The following TMTC3 variants were observed in gnomAD, a reference collection of about 807,000 sequenced individuals.
The protein encoded by TMTC3 is protein O-mannosyl-transferase TMTC3.
TMTC3 carries 52 observed loss-of-function variants against 92.2 expected under a neutral mutation model. That is an observed-to-expected ratio of 0.56 (90% CI 0.45 to 0.71). TMTC3 has a LOEUF of 0.71. TMTC3 is among the 30% of genes least tolerant of loss of function. The probability of loss-of-function intolerance (pLI) is 0.00; values close to 1 mark genes in which losing one functional copy is unlikely to be tolerated. For synonymous variants in TMTC3, 339 were observed against 363.3 expected (o/e 0.93, Z 0.76); for missense variants, 896 against 1,057.1 (o/e 0.85, Z 2.11).
At chr12:88,180,865 T>C (rs1317895994) in intron 10 of TMTC3, among the ~76,000 whole-genome samples, 1 of 152,200 alleles carries the variant, frequency 6.6e-6, no homozygotes, top group Admixed American at 6.5e-5. Flanking sequence ...GGTTTTATGT[T>C]TTGAAGAACT....
At chr12:88,161,382 T>C (rs2041077571) in intron 6 of TMTC3, among the ~76,000 whole-genome samples, 1 of 152,140 alleles carries the variant, frequency 6.6e-6, no homozygotes, top group African/African-American at 2.4e-5. Flanking sequence ...ACAGCTGTCT[T>C]TCGTTAGTGT....
chr12:88,198,345 G>A lies in TMTC3; in HGVS notation c.*2696G>A. 2.5e-6 allele frequency: 1 copy of A among 398,050 alleles called. No homozygotes were observed. Among genetic ancestry groups the A allele is most frequent in the Non-Finnish European group, 4.4e-6 (1 of 225,662 alleles). 24.7% of individuals were successfully genotyped at this position (398,050 alleles called of 1,614,324 possible). On this transcript the variant is annotated 3_prime_UTR_variant, in exon 14 of 14. Coordinates refer to ENST00000266712, the MANE Select transcript of TMTC3 (RefSeq NM_181783.4). ...GAGCTTATCACAGGTTTGTATGCTG[G>A]TGAATGGATAGTTTTAATTCTCACT...
chr12:88,195,508 T>C lies in TMTC3; in HGVS notation c.2604T>C (p.Ser868=). The C allele has an allele frequency of 6.2e-7, 1 of 1,613,354 alleles. No individual in the cohort carries two copies. Among genetic ancestry groups the C allele is most frequent in the Non-Finnish European group, 8.5e-7 (1 of 1,179,708 alleles). Residue 868 remains serine (S), a synonymous_variant, in exon 14 of 14, where the codon TCT becomes TCC. Coordinates refer to ENST00000266712, the MANE Select transcript of TMTC3 (RefSeq NM_181783.4). Reference sequence around the variant, plus strand: ...AAACAAGTGATAATAAAAGTCAGTCTAAATCCAACAAACAATTAGGAAAAA... The same window carrying C: ...AAACAAGTGATAATAAAAGTCAGTCCAAATCCAACAAACAATTAGGAAAAA... ...IVKTSDNKSQ[S]KSNKQLGKNG...
rs1326284915 is a variant in TMTC3, at chr12:88,194,992, G to T, written c.2088G>T (p.Lys696Asn). The T allele has an allele frequency of 6.2e-7, 1 of 1,613,766 alleles. No homozygotes were observed. Among genetic ancestry groups the T allele is most frequent in the Non-Finnish European group, 8.5e-7 (1 of 1,179,896 alleles). The change falls in exon 14 of 14, where the codon AAG becomes AAT. Residue 696 changes from lysine to asparagine, a missense_variant. Lys to Asn is a moderately conservative substitution (Grantham distance 94). Transcript: ENST00000266712. ...AGATTTGGATGAAGAAAGCCATAAAGTTACAAGCCGACTTCCGAAGTGCTT... is the reference window on the plus strand; with the variant it reads ...AGATTTGGATGAAGAAAGCCATAAATTTACAAGCCGACTTCCGAAGTGCTT... ...EAEIWMKKAI[K>N]LQADFRSALF...
chr12:88,188,436 T>C (rs1368600641), intron 10 of TMTC3, among the ~76,000 whole-genome samples: 2 of 152,052 alleles, frequency 1.3e-5, no homozygotes, highest in African/African-American at 4.8e-5. Flanking sequence ...ATTTCTTCAT[T>C]ACCTTTATCT....
At position 88,195,035 on chromosome 12, in the gene TMTC3, C is replaced by T. The variant is rs762248050; in HGVS notation, c.2131C>T (p.Leu711=). ...AAGTGCTTTGTTTAATCTGGCTCTC[C>T]TGTATTCCCAGACTGCAAAGGAATT... ...FRSALFNLAL[L]YSQTAKELKA... is the part of the protein sequence containing the mutation. The change falls in exon 14 of 14, where the codon CTG becomes TTG. Residue 711 remains leucine (L), a synonymous_variant. Coordinates refer to ENST00000266712, the MANE Select transcript of TMTC3 (RefSeq NM_181783.4). 6.2e-7 allele frequency: 1 copy of T among 1,613,840 alleles called. No homozygotes were observed. The highest frequency in any genetic ancestry group is 8.5e-7 in the Non-Finnish European group (1 of 1,179,910).
At chr12:88,160,570 A>G (rs892101366) in intron 5 of TMTC3, 109 bp from the exon 6 acceptor site, 21 of 981,360 alleles carry the variant, frequency 2.1e-5, no homozygotes, top group Non-Finnish European at 6.0e-6. Flanking sequence ...TTCCACATTA[A>G]TTTTATAATT....
Position 88,195,563 on chromosome 12 carries a change from A to G in TMTC3, c.2659A>G (p.Thr887Ala), listed in dbSNP as rs369990598. The G allele has an allele frequency of 6.2e-7, 1 of 1,612,368 alleles. No homozygotes were observed. The highest frequency in any genetic ancestry group is 8.5e-7 in the Non-Finnish European group (1 of 1,179,538). The change falls in exon 14 of 14, where the codon ACA (threonine) becomes GCA (alanine). Residue 887 changes from threonine to alanine, a missense_variant. Transcript: ENST00000266712. The stretch of plus-strand genomic sequence containing the variant: ...AGACGAAGAGACACCCCACAAAACA[A>G]CAAAAGACATCAAAGAAATTGAGAA... ...NGDEETPHKTTKDIKEIEKKR... is the reference protein window; with the variant it reads ...NGDEETPHKTAKDIKEIEKKR...
In TMTC3 at chr12:88,198,566, C is replaced by T. The variant is rs906768561; in HGVS notation, c.*2917C>T. ...GTGAGTAGTTTTCTGAAATTGGTAACTTGGAGAGTAAAATAACGTATTTTG... is the reference window on the plus strand; with the variant it reads ...GTGAGTAGTTTTCTGAAATTGGTAATTTGGAGAGTAAAATAACGTATTTTG... On this transcript the variant is annotated 3_prime_UTR_variant, in exon 14 of 14. Transcript: ENST00000266712. The T allele has an allele frequency of 2.5e-5, 10 of 394,904 alleles. No homozygotes were observed. The highest frequency in any genetic ancestry group is 3.6e-5 in the Non-Finnish European group (8 of 223,974). 24.5% of individuals were successfully genotyped at this position (394,904 alleles called of 1,614,324 possible).
chr12:88,151,577 T>A (rs952325202), intron 2 of TMTC3, among the ~76,000 whole-genome samples: 2 of 152,218 alleles, frequency 1.3e-5, no homozygotes, highest in Admixed American at 1.3e-4. Context: ...GTTATGTGAA[T>A]AATTATGTTA....
chr12:88,159,052 C>CA (rs1179846619), intron 4 of TMTC3, among the ~76,000 whole-genome samples: 100 of 57,034 alleles, frequency 1.8e-3, no homozygotes, highest in Admixed American at 3.0e-3. Flanking sequence ...AACTCTGTCT[C>CA]AAAAAAAAAA....
intron 6 of TMTC3, among the ~76,000 whole-genome samples, chr12:88,163,667 C>G (rs2041106759): frequency 1.6e-5 from 1 of 62,134 alleles, no homozygotes. Flanking sequence ...TCTACTTTGT[C>G]TTCACATTGC....
intron 4 of TMTC3, among the ~76,000 whole-genome samples, chr12:88,154,949 A>G (rs2040988510): frequency 6.6e-6 from 1 of 152,194 alleles, no homozygotes; most frequent in African/African-American, 2.4e-5. Context: ...AAGTGTGGGC[A>G]CAGTGGGCAC....
chr12:88,156,811 G>GTTTTTTTTTTTTTTTTT (rs56284816), intron 4 of TMTC3, among the ~76,000 whole-genome samples: 1 of 136,756 alleles, frequency 7.3e-6, no homozygotes, highest in African/African-American at 2.7e-5. Flanking sequence ...GTGTGTGTGT[G>GTTTTTTTTTTTTTTTTT]TTTTTTTTTT....
Position 88,195,104 on chromosome 12 carries a change from G to T in TMTC3, c.2200G>T (p.Asp734Tyr). 1 of 1,613,798 alleles carries T rather than the reference G, an allele frequency of 6.2e-7. No individual in the cohort carries two copies. Among genetic ancestry groups the T allele is most frequent in the Non-Finnish European group, 8.5e-7 (1 of 1,179,912 alleles). The change falls in exon 14 of 14, where the codon GAT becomes TAT. Residue 734 changes from aspartate to tyrosine, a missense_variant. Transcript: ENST00000266712. ...ILEELLRYYPDHIKGLILKGD... is the reference protein window; with the variant it reads ...ILEELLRYYPYHIKGLILKGD... ...GGAGGAGTTACTCAGATACTACCCT[G>T]ATCATATCAAGGGCCTCATTTTAAA... is the stretch of plus-strand genomic sequence containing the variant.
chr12:88,165,384 A>T (rs1322239378), intron 6 of TMTC3, among the ~76,000 whole-genome samples: 2 of 152,122 alleles, frequency 1.3e-5, no homozygotes, highest in Non-Finnish European at 2.9e-5. Flanking sequence ...TGAGAATTCA[A>T]GTTCAGACTC....
At chr12:88,192,874 A>G (rs753992637) in intron 13 of TMTC3, 44 bp downstream of exon 13, 17 of 1,485,418 alleles carry the variant, frequency 1.1e-5, no homozygotes, top group Non-Finnish European at 1.5e-5. Context: ...ATTGTAGTTT[A>G]TAATATAATA....
At chr12:88,173,536 A>G (rs2041227628) in intron 8 of TMTC3, among the ~76,000 whole-genome samples, 1 of 151,986 alleles carries the variant, frequency 6.6e-6, no homozygotes, top group Non-Finnish European at 1.5e-5. Context: ...TGTAAAAAGT[A>G]TTTGTCCTGA....
chr12:88,147,747 G>A (rs2040892798), intron 1 of TMTC3, among the ~76,000 whole-genome samples: 2 of 148,992 alleles, frequency 1.3e-5, no homozygotes, highest in East Asian at 3.9e-4. Flanking sequence ...GTTTTGTTTT[G>A]TTTCTAACAG....
Sources: gnomAD v4.1 joint callset for allele counts (sites outside exome capture counted in the v4.1 genomes callset) on GRCh38, gnomAD v4.1.1 for gene constraint, MANE v1.5 for transcripts, NCBI Gene and HGNC (gene_info 2026-07-23, HGNC 2026-07-21) for gene names.